The following PLD5 variants were observed in gnomAD, a reference collection of about 807,000 sequenced individuals.
PLD5 encodes phospholipase D family member 5, also known as inactive phospholipase D5.
PLD5 carries 36 observed loss-of-function variants against 61.1 expected under a neutral mutation model. The observed-to-expected ratio is 0.59, with a 90% confidence interval of 0.45 to 0.78. The LOEUF (loss-of-function observed/expected upper bound fraction) is 0.78. Ranked by LOEUF, PLD5 falls within the 30% of genes least tolerant of loss-of-function variation. The pLI, the probability that PLD5 is intolerant of heterozygous loss-of-function variation, is 0.00. For synonymous variants in PLD5, 243 were observed against 242.8 expected (o/e 1.00, Z -0.01); for missense variants, 515 against 644.4 (o/e 0.80, Z 2.17).
chr1:242,135,192 T>C (rs1366349783), intron 5 of PLD5, among the ~76,000 whole-genome samples: 17 of 152,226 alleles, frequency 1.1e-4, no homozygotes, highest in African/African-American at 3.4e-4. Context: ...CATACGTACA[T>C]ATACAGACAT....
intron 3 of PLD5, among the ~76,000 whole-genome samples, chr1:242,281,732 G>A (rs1486995330): frequency 6.6e-6 from 1 of 152,080 alleles, no homozygotes; most frequent in Non-Finnish European, 1.5e-5. Context: ...TGGTGAGGGG[G>A]TGAACAGTCC....
At chr1:242,246,478 A>AACACACACACAC (rs34723926) in intron 4 of PLD5, among the ~76,000 whole-genome samples, 13,105 of 140,994 alleles carry the variant, frequency 0.093, 695 homozygotes, top group Non-Finnish European at 0.12. Flanking sequence ...TAGAAAAGAC[A>AACACACACACAC]ACACACACAC....
chr1:242,184,791 C>T (rs316834), intron 5 of PLD5, among the ~76,000 whole-genome samples: 127,725 of 152,294 alleles, frequency 0.84, 54,077 homozygotes, highest in African/African-American at 0.95. Flanking sequence ...GTATCAGAAA[C>T]ACAGGTGACT....
At chr1:242,509,827 C>T (rs1668846701) in intron 1 of PLD5, among the ~76,000 whole-genome samples, 1 of 152,128 alleles carries the variant, frequency 6.6e-6, no homozygotes, top group Non-Finnish European at 1.5e-5. Flanking sequence ...AGGAATTACT[C>T]GGCGGCTTAT....
chr1:242,438,447 T>C lies in PLD5; in HGVS notation c.189+85641A>G, dbSNP rs1158166066. 7.9e-4 allele frequency among the ~76,000 whole-genome samples: 114 copies of C among 144,588 alleles called. 5 individuals carry two copies. Among genetic ancestry groups the C allele is most frequent in the Admixed American group, 1.7e-3 (24 of 14,418 alleles). 94.9% of individuals were successfully genotyped at this position (144,588 alleles called of 152,430 possible). ...CCTGGCTAATTTTTTTTCTTTTTTT[T>C]TTTTTTTTTTTTTTGAGATGGAGTT... On this transcript the variant is annotated intron_variant, in intron 1 of 9. Transcript: ENST00000536534.
chr1:242,395,043 GTATATATGAATATATATGTA>G lies in PLD5; in HGVS notation c.190-46821_190-46802del, dbSNP rs1322996457. ...TATATATGTATATATGAATGTATATGTATATATGAATATATATGTATATATATGAATATATATGTATATAT... is the reference window on the plus strand; with the variant it reads ...TATATATGTATATATGAATGTATATGTATATATGAATATATATGTATATAT... On this transcript the variant is annotated intron_variant, in intron 1 of 9. Transcript: ENST00000536534. Among the ~76,000 whole-genome samples the G allele has an allele frequency of 1.4e-3, 96 of 67,456 alleles. 8 individuals are homozygous for G. Among genetic ancestry groups the G allele is most frequent in the East Asian group, 2.4e-3 (7 of 2,906 alleles). 44.3% of individuals were successfully genotyped at this position (67,456 alleles called of 152,430 possible).
chr1:242,106,184 T>A (rs1013875902), intron 8 of PLD5, among the ~76,000 whole-genome samples: 2 of 152,226 alleles, frequency 1.3e-5, no homozygotes, highest in Non-Finnish European at 2.9e-5. Context: ...CCTGTTTCTG[T>A]ACTCAGGGAG....
chr1:242,410,233 C>G (rs1380584847), intron 1 of PLD5, among the ~76,000 whole-genome samples: 1 of 152,080 alleles, frequency 6.6e-6, no homozygotes, highest in Non-Finnish European at 1.5e-5. Context: ...CATGTCCATG[C>G]ATGTGAACTG....
chr1:242,402,766 C>T (rs1312701227), intron 1 of PLD5, among the ~76,000 whole-genome samples: 1 of 152,156 alleles, frequency 6.6e-6, no homozygotes. Flanking sequence ...TGAAAAACAG[C>T]ACTGCATATG....
intron 1 of PLD5, among the ~76,000 whole-genome samples, chr1:242,400,178 CA>C (rs1663841568): frequency 8.0e-6 from 1 of 125,206 alleles, no homozygotes; most frequent in Non-Finnish European, 1.7e-5. Flanking sequence ...CTCTCTCTCT[CA>C]AAAGAAAAGA....
In PLD5 at chr1:242,207,930, A is replaced by T. The variant is rs1404986106; in HGVS notation, c.735+12058T>A. Among the ~76,000 whole-genome samples, 21 of 23,544 alleles carry T rather than the reference A, an allele frequency of 8.9e-4. 5 individuals carry two copies. In the East Asian group the frequency reaches 0.027, roughly 30 times the overall value. The allele number at this position is 23,544 out of a possible 152,430, so 15.4% of individuals were successfully genotyped here. On this transcript the variant is annotated intron_variant, in intron 5 of 9. Transcript: ENST00000536534. ...TATATATATTTATATATTTATATAT[A>T]TTTATATATTTATATATATTTATTT...
At chr1:242,368,662 C>T (rs944934950) in intron 1 of PLD5, among the ~76,000 whole-genome samples, 1 of 152,174 alleles carries the variant, frequency 6.6e-6, no homozygotes, top group Non-Finnish European at 1.5e-5. Flanking sequence ...TCTGCCTGAG[C>T]TTCTCCATGT....
chr1:242,263,115 C>A (rs2653197), intron 4 of PLD5, among the ~76,000 whole-genome samples: 1 of 152,148 alleles, frequency 6.6e-6, no homozygotes, highest in Non-Finnish European at 1.5e-5. Flanking sequence ...AGGGCCTTGG[C>A]CAGCTGTCTC....
At chr1:242,389,565 G>A (rs534803578) in intron 1 of PLD5, among the ~76,000 whole-genome samples, 4 of 149,036 alleles carry the variant, frequency 2.7e-5, no homozygotes, top group South Asian at 2.1e-4. Flanking sequence ...AATACTCTGA[G>A]GGGGGGAAAA....
At chr1:242,254,092 C>T (rs1019914511) in intron 4 of PLD5, among the ~76,000 whole-genome samples, 2 of 152,026 alleles carry the variant, frequency 1.3e-5, no homozygotes, top group Admixed American at 6.6e-5. Context: ...TGATTAAAAC[C>T]GGGGCTTTTC....
chr1:242,494,491 C>T (rs1377886927), intron 1 of PLD5, among the ~76,000 whole-genome samples: 6 of 152,134 alleles, frequency 3.9e-5, no homozygotes, highest in African/African-American at 4.8e-5. Flanking sequence ...TCTGTCCCTA[C>T]GGCCTGGATC....
At chr1:242,126,112 G>C (rs1292818997) in intron 5 of PLD5, among the ~76,000 whole-genome samples, 1 of 152,056 alleles carries the variant, frequency 6.6e-6, no homozygotes, top group East Asian at 1.9e-4. Flanking sequence ...AAAGGACTGA[G>C]GCTAACCAAG....
intron 4 of PLD5, among the ~76,000 whole-genome samples, chr1:242,231,939 G>A (rs425632): frequency 0.068 from 7,633 of 111,546 alleles, 657 homozygotes; most frequent in African/African-American, 0.22. Flanking sequence ...TTAAAATAAG[G>A]AAAAAAAAAA....
In PLD5 at chr1:242,089,717, T is replaced by A; in HGVS notation, c.*137A>T. On this transcript the variant is annotated 3_prime_UTR_variant, in exon 10 of 10. Transcript: ENST00000536534. ...CTAAGATATTGTTAGATAGGTATTA[T>A]GTGTTGTTCAGAGAATATTTTTTAT... The A allele has an allele frequency of 9.1e-7, 1 of 1,100,662 alleles. No homozygotes were observed. Among genetic ancestry groups the A allele is most frequent in the Non-Finnish European group, 1.3e-6 (1 of 758,626 alleles). 68.2% of individuals were successfully genotyped at this position (1,100,662 alleles called of 1,614,324 possible). A position where few individuals can be genotyped will look rare whatever the true frequency, so the allele number is the denominator to read the frequency against.
Sources: gnomAD v4.1 joint callset for allele counts (sites outside exome capture counted in the v4.1 genomes callset) on GRCh38, gnomAD v4.1.1 for gene constraint, MANE v1.5 for transcripts, NCBI Gene and HGNC (gene_info 2026-07-23, HGNC 2026-07-21) for gene names.